Variants in PPRC1 observed in about 807,000 individuals in gnomAD.
PPRC1 encodes peroxisome proliferator-activated receptor gamma coactivator-related protein 1.
A neutral mutation model predicts 132.5 loss-of-function variants in PPRC1; 23 were observed. The ratio of observed to expected loss-of-function variants is 0.17; its 90% CI spans 0.12 to 0.25. The LOEUF (loss-of-function observed/expected upper bound fraction) is 0.25. Ranked by LOEUF, PPRC1 falls within the 10% of genes least tolerant of loss-of-function variation. PPRC1 has a pLI of 1.00. For synonymous variants in PPRC1, 872 were observed against 833.5 expected (o/e 1.05, Z -0.80); for missense variants, 2,006 against 2,089.1 (o/e 0.96, Z 0.78).
chr10:102,148,239 C>G lies in PPRC1; in HGVS notation c.4401-133C>G. 9.6e-7 allele frequency: 1 copy of G among 1,037,096 alleles called. No individual in the cohort carries two copies. The highest frequency in any genetic ancestry group is 1.4e-6 in the Non-Finnish European group (1 of 707,626). 64.2% of individuals were successfully genotyped at this position (1,037,096 alleles called of 1,614,324 possible). On this transcript the variant is annotated intron_variant, in intron 9 of 13. Coordinates refer to ENST00000278070, the MANE Select transcript of PPRC1 (RefSeq NM_015062.5). This position sits in a 1 kb window ranked among gnomAD's most constrained non-coding sequence, Gnocchi z 4.2. ...TCATCTCTGAATGAAAATTGTTCTT[C>G]TAGACCTCTTCTACTCTGCTTTGTC...
chr10:102,144,999 TC>T lies in PPRC1; in HGVS notation c.3609-18del, dbSNP rs1465488275. ...ATTGAGAAGGCAATGAATCAGGCTTTCCCTTTTCCCCCCCCGCCAGCGGCGT... is the reference window on the plus strand; with the variant it reads ...ATTGAGAAGGCAATGAATCAGGCTTTCCTTTTCCCCCCCCGCCAGCGGCGT... On this transcript the variant is annotated intron_variant, in intron 7 of 13. Coordinates refer to ENST00000278070, the MANE Select transcript of PPRC1 (RefSeq NM_015062.5). 1.4e-6 allele frequency: 2 copies of T among 1,466,354 alleles called. No individual in the cohort carries two copies. Among genetic ancestry groups the T allele is most frequent in the South Asian group, 1.3e-5 (1 of 79,758 alleles). The allele number at this position is 1,466,354 out of a possible 1,614,324, so 90.8% of individuals were successfully genotyped here.
At chr10:102,142,413 T>C (rs2069031913) in intron 5 of PPRC1, among the ~76,000 whole-genome samples, 2 of 100,186 alleles carry the variant, frequency 2.0e-5, no homozygotes, top group Admixed American at 1.1e-4. Flanking sequence ...TTTTTTTTTT[T>C]TTTTTTTTTT....
At chr10:102,126,916 A>G in the PPRC1 span, among the ~76,000 whole-genome samples, 1 of 151,238 alleles carries the variant, frequency 6.6e-6, no homozygotes, top group Non-Finnish European at 1.5e-5. Context: ...CAGTTTCTCA[A>G]AGTATGTAAG....
At position 102,146,761 on chromosome 10, in the gene PPRC1, A is replaced by C; in HGVS notation, c.3769A>C (p.Thr1257Pro). The change falls in exon 9 of 14, where the codon ACC becomes CCC. Residue 1257 changes from threonine (T) to proline (P), a missense_variant. Thr to Pro is a conservative substitution (Grantham distance 38). Around this residue, in one of 2 missense-constraint regions of PPRC1, gnomAD observed 1,914 missense variants for 1,917.2 expected, o/e 1.00. Coordinates refer to ENST00000278070, the MANE Select transcript of PPRC1 (RefSeq NM_015062.5). ...GGCCAAAGCCAAATCTCCTAAGTCC[A>C]CCGCCCAGGAGGGAACCCTGAAGCC... is the stretch of plus-strand genomic sequence containing the variant. Reference protein sequence around the residue: ...LLAKAKSPKSTAQEGTLKPEG... With the variant: ...LLAKAKSPKSPAQEGTLKPEG... The C allele has an allele frequency of 5.0e-6, 8 of 1,613,742 alleles. No homozygotes were observed. Among genetic ancestry groups the C allele is most frequent in the Non-Finnish European group, 5.9e-6 (7 of 1,179,918 alleles).
At chr10:102,122,113 A>G in the PPRC1 span, among the ~76,000 whole-genome samples, 1 of 151,816 alleles carries the variant, frequency 6.6e-6, no homozygotes, top group South Asian at 2.1e-4. Flanking sequence ...CACCAGGAGC[A>G]GAGAGGACCT....
intron 13 of PPRC1, 119 bp downstream of exon 13, chr10:102,149,448 G>C: frequency 8.1e-7 from 1 of 1,239,696 alleles, no homozygotes; most frequent in Non-Finnish European, 1.1e-6. Flanking sequence ...AAGAACCCAA[G>C]GGGGCTGGGC....
the PPRC1 span, among the ~76,000 whole-genome samples, chr10:102,125,556 C>A: frequency 1.3e-5 from 2 of 152,030 alleles, no homozygotes; most frequent in Non-Finnish European, 2.9e-5. Flanking sequence ...CCGTGCCCAG[C>A]CACTTTTAGT....
Position 102,138,735 on chromosome 10 carries a change from G to T in PPRC1, c.459G>T (p.Glu153Asp). ...CATTTGACAGCATTCCTGATTCGGA[G>T]CTGCTTGTGTCACCCCGGGAGGGCT... ...LSPFDSIPDS[E>D]LLVSPREGSS... Residue 153 changes from glutamate (E) to aspartate (D), a missense_variant, in exon 3 of 14, where the codon GAG (glutamate) becomes GAT (aspartate). Physicochemically the swap from Glu to Asp is conservative, Grantham distance 45 (BLOSUM62 2). Transcript: ENST00000278070. 1 of 1,614,186 alleles carries T rather than the reference G, an allele frequency of 6.2e-7. No homozygotes were observed. Among genetic ancestry groups the T allele is most frequent in the East Asian group, 2.2e-5 (1 of 44,890 alleles).
In PPRC1 at chr10:102,150,017, C is replaced by T. The variant is rs371840804; in HGVS notation, c.4983C>T (p.Asn1661=). The T allele has an allele frequency of 6.2e-7, 1 of 1,611,182 alleles. No individual in the cohort carries two copies. The highest frequency in any genetic ancestry group is 1.3e-5 in the African/African-American group (1 of 74,840). ...FDTLLKQAQK[N]LRR is the part of the protein sequence containing the mutation. ...CATTGTTGAAACAGGCCCAGAAGAACCTCAGGAGGTAACCTTGGGCCCTTC... is the reference window on the plus strand; with the variant it reads ...CATTGTTGAAACAGGCCCAGAAGAATCTCAGGAGGTAACCTTGGGCCCTTC... Residue 1661 remains asparagine (N), a synonymous_variant, in exon 14 of 14, where the codon AAC becomes AAT. Transcript: ENST00000278070.
rs2068878307 is a variant in PPRC1, at chr10:102,139,881, A to G, written c.1373A>G (p.Lys458Arg). Residue 458 changes from lysine (K) to arginine (R), a missense_variant, in exon 5 of 14, where the codon AAG (lysine) becomes AGG (arginine). Transcript: ENST00000278070. ...GCACCAGGTTCCCAGAGAGCTCGAA[A>G]GGGCAGGAAGAAGAAGAGCAAGGAG... is the stretch of plus-strand genomic sequence containing the variant. ...NAAPGSQRAR[K>R]GRKKKSKEQP... 1 of 1,614,236 alleles carries G rather than the reference A, an allele frequency of 6.2e-7. No homozygotes were observed. The highest frequency in any genetic ancestry group is 1.3e-5 in the African/African-American group (1 of 75,080).
chr10:102,146,672 G>T lies in PPRC1; in HGVS notation c.3680G>T (p.Gly1227Val), dbSNP rs767373085. ...TCTCCATCCTCCCTCCCCACCACAG[G>T]GCTCACCCCTCCAGCTACCCCTCCC... ...LQAPELANVA[G>V]LTPPATPPHQ... Residue 1227 changes from glycine (G) to valine (V), a missense_variant and splice_region_variant, in exon 9 of 14, where the codon GGG becomes GTG. Physicochemically the swap from Gly to Val is moderately radical, Grantham distance 109. This residue lies in a region of PPRC1 where 1,914 missense variants were observed against 1,917.2 expected (regional missense o/e 1.00). Coordinates refer to ENST00000278070, the MANE Select transcript of PPRC1 (RefSeq NM_015062.5). 1 of 1,606,720 alleles carries T rather than the reference G, an allele frequency of 6.2e-7. No homozygotes were observed. Among genetic ancestry groups the T allele is most frequent in the African/African-American group, 1.3e-5 (1 of 74,640 alleles).
At chr10:102,146,223 G>T (rs185157400) in intron 8 of PPRC1, among the ~76,000 whole-genome samples, 21 of 152,304 alleles carry the variant, frequency 1.4e-4, no homozygotes, top group Non-Finnish European at 2.6e-4. Flanking sequence ...TTTATCCTGT[G>T]CATTGAAGAA....
chr10:102,129,559 G>A (rs953695470), upstream of PPRC1, among the ~76,000 whole-genome samples: 2 of 152,078 alleles, frequency 1.3e-5, no homozygotes, highest in African/African-American at 4.8e-5. Flanking sequence ...TCCTCTCAAA[G>A]CCTTATCACC....
the PPRC1 span, chr10:102,120,056 A>C: frequency 1.4e-6 from 2 of 1,424,528 alleles, no homozygotes; most frequent in Admixed American, 5.1e-5. Context: ...CTGGGCAGGA[A>C]GGGGCCGAGT....
upstream of PPRC1, among the ~76,000 whole-genome samples, chr10:102,131,661 ATAT>A (rs1013787906): frequency 3.9e-5 from 6 of 152,198 alleles, no homozygotes; most frequent in Admixed American, 6.5e-5. Flanking sequence ...AACAACTTAA[ATAT>A]TATTTATTTT....
chr10:102,139,875 C>T lies in PPRC1; in HGVS notation c.1367C>T (p.Ala456Val). The change falls in exon 5 of 14, where the codon GCT becomes GTT. Residue 456 changes from alanine to valine, a missense_variant. By Grantham distance (64) the Ala-to-Val change is moderately conservative (BLOSUM62 0). This residue lies in a region of PPRC1 where 1,914 missense variants were observed against 1,917.2 expected (regional missense o/e 1.00). Coordinates refer to ENST00000278070, the MANE Select transcript of PPRC1 (RefSeq NM_015062.5). ...AATGCAGCACCAGGTTCCCAGAGAG[C>T]TCGAAAGGGCAGGAAGAAGAAGAGC... Reference protein sequence around the residue: ...PANAAPGSQRARKGRKKKSKE... With the variant: ...PANAAPGSQRVRKGRKKKSKE... The T allele has an allele frequency of 6.2e-7, 1 of 1,614,198 alleles. No homozygotes were observed. Among genetic ancestry groups the T allele is most frequent in the Non-Finnish European group, 8.5e-7 (1 of 1,180,034 alleles).
Position 102,140,629 on chromosome 10 carries a change from C to G in PPRC1, c.2121C>G (p.Pro707=). The change falls in exon 5 of 14, where the codon CCC becomes CCG. Residue 707 remains proline (P), a synonymous_variant. Transcript: ENST00000278070. The stretch of plus-strand genomic sequence containing the variant: ...CATCAGCCCTGGGGGGTTCAGCACC[C>G]CAGCTCCTCGTGGAGTCAGAGTCCT... ...AVSSALGGSA[P]QLLVESESLD... 6.2e-7 allele frequency: 1 copy of G among 1,614,058 alleles called. No individual in the cohort carries two copies. Among genetic ancestry groups the G allele is most frequent in the Non-Finnish European group, 8.5e-7 (1 of 1,180,030 alleles).
rs577706699 is a variant in PPRC1, at chr10:102,142,656, C to T, written c.3497-389C>T. Among the ~76,000 whole-genome samples, 15 of 152,080 alleles carry T rather than the reference C, an allele frequency of 9.9e-5. No homozygotes were observed. In the South Asian group the frequency reaches 2.3e-3, roughly 23 times the overall value. ...GTCTCAATCTCCTGACCTCGTGATCCGCCTGCCTCAGCCTCCCAAAGTGCT... is the reference window on the plus strand; with the variant it reads ...GTCTCAATCTCCTGACCTCGTGATCTGCCTGCCTCAGCCTCCCAAAGTGCT... On this transcript the variant is annotated intron_variant, in intron 5 of 13. Coordinates refer to ENST00000278070, the MANE Select transcript of PPRC1 (RefSeq NM_015062.5).
chr10:102,144,906 T>G, intron 7 of PPRC1, 114 bp from the exon 8 acceptor site: 1 of 830,770 alleles, frequency 1.2e-6, no homozygotes, highest in Non-Finnish European at 2.0e-6. Context: ...GGAGGCAGTT[T>G]GTGCATCCCA....
Sources: allele counts gnomAD v4.1 joint callset (sites outside exome capture counted in the v4.1 genomes callset), GRCh38; gene constraint gnomAD v4.1.1; regional missense constraint gnomAD v4.1.1; non-coding constraint Gnocchi (gnomAD v3.1); transcripts MANE v1.5; gene names NCBI Gene and HGNC (gene_info 2026-07-23, HGNC 2026-07-21).